The following CEP112 variants were observed in gnomAD, a reference collection of about 807,000 sequenced individuals.
The protein encoded by CEP112 is centrosomal protein 112.
Under a neutral mutation model 153.0 loss-of-function variants are expected in CEP112, and 127 were observed. The ratio of observed to expected loss-of-function variants is 0.83; its 90% CI spans 0.72 to 0.96. CEP112 has a LOEUF of 0.96. CEP112 is among the 40% of genes least tolerant of loss of function. CEP112 has a pLI of 0.00. For synonymous variants in CEP112, 358 were observed against 374.4 expected, an observed-to-expected ratio of 0.96 and a Z score of 0.51; for missense variants, 1,089 against 1,101.2, an observed-to-expected ratio of 0.99 and a Z score of 0.16.
At chr17:65,855,435 C>T (rs1010196805) in intron 20 of CEP112, among the ~76,000 whole-genome samples, 53 of 152,196 alleles carry the variant, frequency 3.5e-4, no homozygotes, top group African/African-American at 1.3e-3. Context: ...GGACTAGTGA[C>T]TCAGTCATTA....
chr17:65,837,356 A>C (rs1215645473), intron 21 of CEP112, among the ~76,000 whole-genome samples: 1 of 151,244 alleles, frequency 6.6e-6, no homozygotes, highest in East Asian at 2.0e-4. Flanking sequence ...CTAGGAAGTG[A>C]GGAGCGTCTC....
intron 24 of CEP112, among the ~76,000 whole-genome samples, chr17:65,652,833 A>G (rs979760244): frequency 6.6e-6 from 1 of 152,218 alleles, no homozygotes; most frequent in Admixed American, 6.5e-5. Context: ...TTGGGCTGCT[A>G]TAACAAATAC....
At chr17:65,876,588 C>T (rs1480669938) in intron 20 of CEP112, among the ~76,000 whole-genome samples, 1 of 152,148 alleles carries the variant, frequency 6.6e-6, no homozygotes, top group Non-Finnish European at 1.5e-5. Context: ...ACCTTTTCAA[C>T]CTATAGACCT....
chr17:65,943,623 T>C (rs2061566211), intron 18 of CEP112, among the ~76,000 whole-genome samples: 1 of 152,002 alleles, frequency 6.6e-6, no homozygotes, highest in Non-Finnish European at 1.5e-5. Flanking sequence ...CTGGCCTTTC[T>C]CTCAGGCTGC....
intron 19 of CEP112, among the ~76,000 whole-genome samples, chr17:65,920,362 A>AATATATATATATATATATATAT (rs55934550): frequency 1.1e-3 from 49 of 42,756 alleles, no homozygotes; most frequent in African/African-American, 2.0e-3. Flanking sequence ...AAACAAACAA[A>AATATATATATATATATATATAT]ATATATATAT....
intron 20 of CEP112, among the ~76,000 whole-genome samples, chr17:65,881,545 G>A (rs2059074819): frequency 6.6e-6 from 1 of 152,050 alleles, no homozygotes; most frequent in Admixed American, 6.6e-5. Flanking sequence ...AGCTAAAGAG[G>A]TTTCTGAAGA....
chr17:65,953,613 AC>A (rs2061908171), intron 18 of CEP112, among the ~76,000 whole-genome samples: 1 of 152,160 alleles, frequency 6.6e-6, no homozygotes, highest in Non-Finnish European at 1.5e-5. Flanking sequence ...TGTTGGAAGG[AC>A]ACAGTGGGAG....
At chr17:65,690,129 A>C (rs1274891051) in intron 23 of CEP112, among the ~76,000 whole-genome samples, 3 of 150,828 alleles carry the variant, frequency 2.0e-5, no homozygotes, top group East Asian at 1.9e-4. Context: ...AAAAAAAAAA[A>C]AAAAAAAAAC....
At chr17:65,723,804 T>C (rs1467531337) in intron 23 of CEP112, among the ~76,000 whole-genome samples, 1 of 152,250 alleles carries the variant, frequency 6.6e-6, no homozygotes, top group African/African-American at 2.4e-5. Context: ...ATGCAATTTG[T>C]GGTACATGTA....
intron 21 of CEP112, among the ~76,000 whole-genome samples, chr17:65,778,186 TCTCAAAGA>T (rs2053793484): frequency 6.6e-6 from 1 of 152,198 alleles, no homozygotes; most frequent in African/African-American, 2.4e-5. Flanking sequence ...GAGATCAACT[TCTCAAAGA>T]CAGGAATCTT....
At chr17:65,762,089 G>C (rs929504731) in intron 21 of CEP112, among the ~76,000 whole-genome samples, 1 of 151,722 alleles carries the variant, frequency 6.6e-6, no homozygotes, top group African/African-American at 2.4e-5. Flanking sequence ...TGGTTTTTTT[G>C]CCTCACGTAT....
chr17:65,814,834 A>G (rs186847887), intron 21 of CEP112, among the ~76,000 whole-genome samples: 15 of 152,322 alleles, frequency 9.8e-5, no homozygotes, highest in African/African-American at 3.4e-4. Context: ...CAGTTACCAC[A>G]GTCTATCTTC....
intron 12 of CEP112, among the ~76,000 whole-genome samples, chr17:66,033,295 C>T (rs1400005953): frequency 7.0e-6 from 1 of 142,080 alleles, no homozygotes; most frequent in African/African-American, 2.6e-5. Flanking sequence ...ATAGAGTATA[C>T]TGTAAAAGTC....
intron 19 of CEP112, among the ~76,000 whole-genome samples, chr17:65,920,362 AATATATATATATATATATATATAT>A (rs55934550): frequency 0.041 from 1,757 of 42,804 alleles, 146 homozygotes; most frequent in Middle Eastern, 0.14. Context: ...AAACAAACAA[AATATATATATATATATATATATAT>A]ATATATATAT....
chr17:66,089,284 A>C (rs2146232330), intron 8 of CEP112, among the ~76,000 whole-genome samples: 1 of 152,354 alleles, frequency 6.6e-6, no homozygotes, highest in East Asian at 1.9e-4. Flanking sequence ...CAAGCAACAT[A>C]AAAAACCAAG....
At chr17:65,938,805 C>G (rs73349044) in intron 18 of CEP112, among the ~76,000 whole-genome samples, 9,837 of 150,968 alleles carry the variant, frequency 0.065, 466 homozygotes, top group African/African-American at 0.12. Flanking sequence ...TAGTAACAAA[C>G]GATTCAAAAA....
intron 23 of CEP112, among the ~76,000 whole-genome samples, chr17:65,726,043 T>C (rs939032070): frequency 1.3e-5 from 2 of 152,028 alleles, no homozygotes; most frequent in African/African-American, 2.4e-5. Flanking sequence ...AAACGAAAAG[T>C]GTGAGGCATG....
intron 19 of CEP112, among the ~76,000 whole-genome samples, chr17:65,908,896 A>T (rs573341359): frequency 6.6e-6 from 1 of 152,204 alleles, no homozygotes; most frequent in Non-Finnish European, 1.5e-5. Flanking sequence ...CCTAAGGGCA[A>T]GAGCACATTC....
intron 24 of CEP112, chr17:65,655,436 A>C (rs2046015050): frequency 3.2e-6 from 4 of 1,256,720 alleles, no homozygotes; most frequent in Non-Finnish European, 4.6e-6. Flanking sequence ...TTTGTCTTTG[A>C]CTGCTGTCTT....
Sources: gnomAD v4.1 joint callset for allele counts (sites outside exome capture counted in the v4.1 genomes callset) on GRCh38, gnomAD v4.1.1 for gene constraint, MANE v1.5 for transcripts, NCBI Gene and HGNC (gene_info 2026-07-23, HGNC 2026-07-21) for gene names.